Variants in PPP3CB observed in about 807,000 individuals in gnomAD.
PPP3CB encodes serine/threonine-protein phosphatase 2B catalytic subunit beta isoform.
Under a neutral mutation model 66.4 loss-of-function variants are expected in PPP3CB, and 8 were observed. The ratio of observed to expected loss-of-function variants is 0.12; its 90% CI spans 0.07 to 0.22. PPP3CB has a LOEUF of 0.22. Ranked by LOEUF, PPP3CB falls within the 10% of genes least tolerant of loss-of-function variation. The probability of loss-of-function intolerance (pLI) is 1.00; values close to 1 mark genes in which losing one functional copy is unlikely to be tolerated. For missense variants in PPP3CB, 319 were observed against 642.5 expected (o/e 0.50, Z 5.44); for synonymous variants, 208 against 221.2 (o/e 0.94, Z 0.53).
chr10:73,466,643 G>T (rs1264134496), intron 9 of PPP3CB, among the ~76,000 whole-genome samples: 1 of 152,118 alleles, frequency 6.6e-6, no homozygotes, highest in Non-Finnish European at 1.5e-5. Flanking sequence ...AACACCAAAT[G>T]CAATCTGCAG....
At chr10:73,494,733 C>T (rs7914026) in intron 1 of PPP3CB, among the ~76,000 whole-genome samples, 3,202 of 151,258 alleles carry the variant, frequency 0.021, 107 homozygotes, top group African/African-American at 0.072. Context: ...AGTAGGCTAA[C>T]GGTGTTTAAA....
At chr10:73,485,135 A>C (rs1398329029) in intron 1 of PPP3CB, among the ~76,000 whole-genome samples, 1 of 152,186 alleles carries the variant, frequency 6.6e-6, no homozygotes, top group Admixed American at 6.5e-5. Context: ...ATTCATTTTG[A>C]CCAAACTGTT....
rs116606083 is a variant in PPP3CB at position 73,474,010 on chromosome 10, T to C, written c.523+909A>G. Among the ~76,000 whole-genome samples, 682 of 152,334 alleles carry C rather than the reference T, an allele frequency of 4.5e-3. 4 individuals are homozygous for C. The highest frequency in any genetic ancestry group is 0.015 in the African/African-American group (643 of 41,574). ...CAATGCAAAATAACATTTTTTTCTTTTGGTTTTTATTTTTTCCTGTTAGAA... is the reference window on the plus strand; with the variant it reads ...CAATGCAAAATAACATTTTTTTCTTCTGGTTTTTATTTTTTCCTGTTAGAA... On this transcript the variant is annotated intron_variant, in intron 4 of 13. Transcript: ENST00000360663.
intron 1 of PPP3CB, among the ~76,000 whole-genome samples, chr10:73,493,625 T>C (rs2057114069): frequency 6.6e-6 from 1 of 152,228 alleles, no homozygotes; most frequent in Non-Finnish European, 1.5e-5. Context: ...ATTAGTCTGT[T>C]ACACACCATT....
At position 73,478,760 on chromosome 10, in the gene PPP3CB, G is replaced by A. The variant is rs2056829324; in HGVS notation, c.287-137C>T. ...CTGAGAAGGAAGTAGTCTATGAACA[G>A]TCATGATTAGGATGATGTGTAACCA... On this transcript the variant is annotated intron_variant, in intron 2 of 13. Coordinates refer to ENST00000360663, the MANE Select transcript of PPP3CB (RefSeq NM_021132.4). The A allele has an allele frequency of 8.5e-6, 6 of 708,196 alleles. No homozygotes were observed. The South Asian group carries it at 9.9e-5, about 12-fold the overall frequency. The allele number at this position is 708,196 out of a possible 1,614,324, so 43.9% of individuals were successfully genotyped here.
At chr10:73,466,978 A>G (rs2056626800) in intron 9 of PPP3CB, 1 of 152,186 alleles carries the variant, frequency 6.6e-6, no homozygotes, top group Non-Finnish European at 1.5e-5. Flanking sequence ...AATAGCATTT[A>G]TTTTCTCTCA....
intron 12 of PPP3CB, among the ~76,000 whole-genome samples, chr10:73,443,210 C>T (rs1228176956): frequency 7.0e-6 from 1 of 142,080 alleles, no homozygotes; most frequent in Non-Finnish European, 1.5e-5. Flanking sequence ...CACACATGTA[C>T]ACATGCACAC....
chr10:73,492,302 A>T (rs2057092231), intron 1 of PPP3CB, among the ~76,000 whole-genome samples: 1 of 152,190 alleles, frequency 6.6e-6, no homozygotes, highest in African/African-American at 2.4e-5. Context: ...AAAAAGGTGA[A>T]TTTTTTATTA....
Position 73,470,671 on chromosome 10 carries a change from A to G in PPP3CB, c.982+16T>C. On this transcript the variant is annotated intron_variant, in intron 8 of 13. Transcript: ENST00000360663. ...ACTAAGTTGTTTAACAATTTTTTTT[A>G]TCAACAATATCTTACCTTTATTATT... 4 of 1,435,258 alleles carry G rather than the reference A, an allele frequency of 2.8e-6. No homozygotes were observed. Among genetic ancestry groups the G allele is most frequent in the Non-Finnish European group, 3.8e-6 (4 of 1,056,388 alleles). The allele number at this position is 1,435,258 out of a possible 1,614,324, so 88.9% of individuals were successfully genotyped here. A position where few individuals can be genotyped will look rare whatever the true frequency, so the allele number is the denominator to read the frequency against.
intron 9 of PPP3CB, 110 bp downstream of exon 9, chr10:73,467,443 C>T: frequency 1.2e-6 from 1 of 857,552 alleles, no homozygotes; most frequent in Non-Finnish European, 1.7e-6. Context: ...GAGCTGTAAC[C>T]ACAGTGAAAC....
At chr10:73,445,618 G>A (rs907984158) in intron 11 of PPP3CB, among the ~76,000 whole-genome samples, 6 of 150,620 alleles carry the variant, frequency 4.0e-5, no homozygotes, top group African/African-American at 1.2e-4. Flanking sequence ...GCTAATTTTT[G>A]TATTCTTTTT....
intron 1 of PPP3CB, among the ~76,000 whole-genome samples, chr10:73,492,869 G>A (rs1039199322): frequency 1.3e-5 from 2 of 152,108 alleles, no homozygotes; most frequent in Non-Finnish European, 2.9e-5. Context: ...GTGAATTTCA[G>A]GTATCTGATC....
At chr10:73,494,738 T>C (rs1324572880) in intron 1 of PPP3CB, among the ~76,000 whole-genome samples, 1 of 152,144 alleles carries the variant, frequency 6.6e-6, no homozygotes, top group Non-Finnish European at 1.5e-5. Context: ...GCTAACGGTG[T>C]TTAAATACTG....
intron 12 of PPP3CB, among the ~76,000 whole-genome samples, chr10:73,442,930 T>C (rs916378578): frequency 1.3e-5 from 2 of 151,904 alleles, no homozygotes; most frequent in Non-Finnish European, 2.9e-5. Flanking sequence ...TAGTGGCTCA[T>C]GCCTATAATC....
chr10:73,487,274 G>A (rs978416891), intron 1 of PPP3CB, among the ~76,000 whole-genome samples: 1 of 152,028 alleles, frequency 6.6e-6, no homozygotes, highest in African/African-American at 2.4e-5. Flanking sequence ...CTGGCCAGGT[G>A]CAGTGGCTCA....
chr10:73,475,597 T>A (rs932842885), intron 3 of PPP3CB, among the ~76,000 whole-genome samples: 9 of 152,208 alleles, frequency 5.9e-5, no homozygotes, highest in Non-Finnish European at 1.2e-4. Flanking sequence ...ATGCTGCCCA[T>A]GAAGGGAAGG....
chr10:73,482,597 T>C (rs1417700446), intron 1 of PPP3CB, among the ~76,000 whole-genome samples: 1 of 150,926 alleles, frequency 6.6e-6, no homozygotes. Context: ...AAAGCTGTGT[T>C]CTACATGATG....
At position 73,495,836 on chromosome 10, in the gene PPP3CB, C is replaced by T; in HGVS notation, c.54G>A (p.Pro18=). The T allele has an allele frequency of 3.0e-6, 2 of 669,600 alleles. No individual in the cohort carries two copies. The highest frequency in any genetic ancestry group is 2.2e-6 in the Non-Finnish European group (1 of 444,640). The allele number at this position is 669,600 out of a possible 1,614,324, so 41.5% of individuals were successfully genotyped here. ...RAAPPPPPPP[P]PPPGADRVVK... is the part of the protein sequence containing the mutation. ...CGACGCGGTCAGCCCCGGGAGGGGG[C>T]GGCGGGGGCGGGGGTGGGGGCGGTG... is the stretch of plus-strand genomic sequence containing the variant. The change falls in exon 1 of 14, where the codon CCG becomes CCA. Residue 18 remains proline, a synonymous_variant. Coordinates refer to ENST00000360663, the MANE Select transcript of PPP3CB (RefSeq NM_021132.4).
intron 1 of PPP3CB, among the ~76,000 whole-genome samples, chr10:73,484,820 GGCAGGT>G (rs981761856): frequency 1.2e-4 from 19 of 152,064 alleles, no homozygotes; most frequent in African/African-American, 4.6e-4. Context: ...GGGAGGTCGA[GGCAGGT>G]GGATCACCTG....
Sources: allele counts gnomAD v4.1 joint callset (sites outside exome capture counted in the v4.1 genomes callset), GRCh38; gene constraint gnomAD v4.1.1; transcripts MANE v1.5; gene names NCBI Gene and HGNC (gene_info 2026-07-23, HGNC 2026-07-21).